RNF17: variants seen among roughly 807,000 people sequenced by gnomAD.
RNF17 encodes spermatogenesis associated 23.
Under a neutral mutation model 200.5 loss-of-function variants are expected in RNF17, and 31 were observed. The ratio of observed to expected loss-of-function variants is 0.15; its 90% CI spans 0.12 to 0.21. The LOEUF (loss-of-function observed/expected upper bound fraction) is 0.21, where lower values mean the gene tolerates loss of function less well. Among genes scored for constraint, RNF17 ranks in the 10% least tolerant of loss-of-function variants. The pLI is 1.00. For synonymous variants in RNF17, 606 were observed against 637.8 expected (o/e 0.95, Z 0.75); for missense variants, 1,628 against 1,905.1 (o/e 0.85, Z 2.71).
At chr13:24,879,370 C>T (rs997322358) in intron 35 of RNF17, 75 bp downstream of exon 35, 6 of 972,006 alleles carry the variant, frequency 6.2e-6, no homozygotes, top group African/African-American at 3.3e-5. Context: ...AGAAAAGCAC[C>T]CGTGGATTTT....
At chr13:24,756,953 A>G in the RNF17 span, among the ~76,000 whole-genome samples, 1 of 152,178 alleles carries the variant, frequency 6.6e-6, no homozygotes, top group African/African-American at 2.4e-5. Flanking sequence ...TTTCCAGGCC[A>G]CTTGATAGTA....
intron 32 of RNF17, among the ~76,000 whole-genome samples, chr13:24,872,371 G>A (rs1348577087): frequency 6.6e-6 from 1 of 152,176 alleles, no homozygotes; most frequent in Admixed American, 6.5e-5. Context: ...CCCACAAGTA[G>A]AATTCTCTGT....
At chr13:24,783,124 T>C (rs1882656394) in intron 6 of RNF17, among the ~76,000 whole-genome samples, 2 of 152,198 alleles carry the variant, frequency 1.3e-5, no homozygotes, top group Admixed American at 6.5e-5. Context: ...TATCCAGTTT[T>C]CCCAGCACTA....
At chr13:24,789,980 A>T (rs906088314) in intron 9 of RNF17, among the ~76,000 whole-genome samples, 2 of 152,134 alleles carry the variant, frequency 1.3e-5, no homozygotes, top group Non-Finnish European at 2.9e-5. Flanking sequence ...GTTATCTTTG[A>T]GATTGATTCA....
downstream of RNF17, chr13:24,884,458 T>G: frequency 1.9e-6 from 3 of 1,614,056 alleles, no homozygotes; most frequent in Non-Finnish European, 2.5e-6. Context: ...TATAAACCTT[T>G]TCCACCTAAA....
chr13:24,817,002 C>A (rs1044265382), intron 15 of RNF17, among the ~76,000 whole-genome samples: 1 of 152,192 alleles, frequency 6.6e-6, no homozygotes, highest in African/African-American at 2.4e-5. Flanking sequence ...AAAACAAAAT[C>A]TTTTAATATG....
intron 15 of RNF17, among the ~76,000 whole-genome samples, chr13:24,818,535 A>G (rs935498372): frequency 1.3e-5 from 2 of 152,084 alleles, no homozygotes; most frequent in African/African-American, 2.4e-5. Flanking sequence ...AATTCTGTCA[A>G]TGTTTGCTTC....
intron 34 of RNF17, among the ~76,000 whole-genome samples, 200 bp from the exon 35 acceptor site, chr13:24,878,987 G>A (rs1355615890): frequency 6.6e-6 from 1 of 152,170 alleles, no homozygotes; most frequent in Non-Finnish European, 1.5e-5. Context: ...CTTGTGAGAA[G>A]GAATTTAAAG....
At chr13:24,884,128 A>C, downstream of RNF17, 1 of 1,588,418 alleles carries the variant, frequency 6.3e-7, no homozygotes, top group Non-Finnish European at 8.6e-7. Flanking sequence ...AAGGAAGGGA[A>C]GAATTTAATG....
At chr13:24,795,078 T>C (rs1445070990) in intron 10 of RNF17, among the ~76,000 whole-genome samples, 1 of 152,162 alleles carries the variant, frequency 6.6e-6, no homozygotes, top group African/African-American at 2.4e-5. Context: ...TGTGTTTATC[T>C]TTTTACCCCA....
rs1891893781 is a variant in RNF17, at chr13:24,851,552, T to G, written c.3301T>G (p.Leu1101Val). The G allele has an allele frequency of 1.2e-6, 2 of 1,611,454 alleles. No homozygotes were observed. The highest frequency in any genetic ancestry group is 2.7e-5 in the African/African-American group (2 of 74,762). Residue 1101 changes from leucine to valine, a missense_variant, in exon 24 of 36, where the codon TTG becomes GTG. Around this residue, in one of 5 missense-constraint regions of RNF17, gnomAD observed 609 missense variants for 681.9 expected, o/e 0.89. Transcript: ENST00000255324. ...DVSKYLIKKG[L>V]ALRERRINNL... ...TTCTAAATATTTGATTAAAAAGGGT[T>G]TGGCTTTGAGAGAAAGGAGGTATAG... is the stretch of plus-strand genomic sequence containing the variant.
chr13:24,788,624 A>G (rs1209521442), intron 7 of RNF17, among the ~76,000 whole-genome samples: 1 of 152,292 alleles, frequency 6.6e-6, no homozygotes, highest in East Asian at 1.9e-4. Flanking sequence ...TTCCAATTCC[A>G]TTCCAAATTG....
intron 28 of RNF17, among the ~76,000 whole-genome samples, chr13:24,863,990 T>C (rs1402151995): frequency 6.6e-6 from 1 of 152,168 alleles, no homozygotes; most frequent in Non-Finnish European, 1.5e-5. Context: ...ATCCCTGCCT[T>C]TCTAGAGCTT....
chr13:24,801,354 G>A (rs1355838875), intron 13 of RNF17, among the ~76,000 whole-genome samples: 2 of 152,108 alleles, frequency 1.3e-5, no homozygotes, highest in Non-Finnish European at 2.9e-5. Context: ...AACATAAAAA[G>A]TTTTTTGGCT....
intron 15 of RNF17, among the ~76,000 whole-genome samples, chr13:24,812,414 G>A (rs1221449600): frequency 3.3e-5 from 5 of 151,956 alleles, no homozygotes; most frequent in African/African-American, 4.8e-5. Flanking sequence ...TCCAGGTGCC[G>A]TCTGTCACCC....
At chr13:24,788,962 A>G (rs1366141235) in intron 7 of RNF17, among the ~76,000 whole-genome samples, 1 of 152,186 alleles carries the variant, frequency 6.6e-6, no homozygotes, top group Non-Finnish European at 1.5e-5. Flanking sequence ...TAAAACAATA[A>G]TAGTTGTTTC....
At chr13:24,791,011 TAGA>T in intron 9 of RNF17, among the ~76,000 whole-genome samples, 1 of 152,204 alleles carries the variant, frequency 6.6e-6, no homozygotes, top group Admixed American at 6.5e-5. Flanking sequence ...ACTGCTATAT[TAGA>T]CAATGTGGCA....
intron 10 of RNF17, among the ~76,000 whole-genome samples, chr13:24,795,008 C>T (rs924941074): frequency 3.3e-5 from 5 of 152,164 alleles, no homozygotes; most frequent in Non-Finnish European, 5.9e-5. Flanking sequence ...CGTGAGCCAT[C>T]GTGCGCAGCC....
chr13:24,782,607 G>C (rs182162036), intron 6 of RNF17, among the ~76,000 whole-genome samples: 2,630 of 99,082 alleles, frequency 0.027, 75 homozygotes, highest in African/African-American at 0.11. Flanking sequence ...GGCTGAGATG[G>C]GGGGGGGATC....
Sources: allele counts gnomAD v4.1 joint callset (sites outside exome capture counted in the v4.1 genomes callset), GRCh38; gene constraint gnomAD v4.1.1; regional missense constraint gnomAD v4.1.1; transcripts MANE v1.5; gene names NCBI Gene and HGNC (gene_info 2026-07-23, HGNC 2026-07-21).